UBA6: variants seen among roughly 807,000 people sequenced by gnomAD.
UBA6 encodes ubiquitin like modifier activating enzyme 6, also known as ubiquitin-like modifier-activating enzyme 6.
A neutral mutation model predicts 148.3 loss-of-function variants in UBA6; 87 were observed. That is an observed-to-expected ratio of 0.59 (90% CI 0.49 to 0.70). The LOEUF (loss-of-function observed/expected upper bound fraction) is 0.70. Among genes scored for constraint, UBA6 ranks in the 30% least tolerant of loss-of-function variants. UBA6 has a pLI of 0.00. For missense variants in UBA6, 1,186 were observed against 1,241.2 expected (o/e 0.96, Z 0.67); for synonymous variants, 376 against 401.0 (o/e 0.94, Z 0.75).
intron 13 of UBA6, among the ~76,000 whole-genome samples, chr4:67,653,046 C>G (rs1001407256): frequency 6.6e-6 from 1 of 152,218 alleles, no homozygotes; most frequent in South Asian, 2.1e-4. Context: ...GTGGAGCCCA[C>G]CCCAGCTCAG....
At chr4:67,673,320 A>G (rs1334443233) in intron 7 of UBA6, among the ~76,000 whole-genome samples, 2 of 151,624 alleles carry the variant, frequency 1.3e-5, no homozygotes, top group African/African-American at 4.8e-5. Flanking sequence ...GGGGACTGAG[A>G]CAGGAGAATA....
In UBA6 at chr4:67,618,200, A is replaced by G. The variant is rs1314968122; in HGVS notation, c.*797T>C. Reference sequence around the variant, plus strand: ...TATATATTAGGACAATCAGGTTTAGAGTCTCACATAAATAAAATAGCCACA... The same window carrying G: ...TATATATTAGGACAATCAGGTTTAGGGTCTCACATAAATAAAATAGCCACA... On this transcript the variant is annotated 3_prime_UTR_variant, in exon 33 of 33. Coordinates refer to ENST00000322244, the MANE Select transcript of UBA6 (RefSeq NM_018227.6). The G allele has an allele frequency of 6.6e-6, 1 of 152,550 alleles. No individual in the cohort carries two copies. Among genetic ancestry groups the G allele is most frequent in the African/African-American group, 2.4e-5 (1 of 41,442 alleles). 9.4% of individuals were successfully genotyped at this position (152,550 alleles called of 1,614,324 possible).
chr4:67,627,876 C>T (rs1200558250), intron 27 of UBA6, among the ~76,000 whole-genome samples: 1 of 149,342 alleles, frequency 6.7e-6, no homozygotes, highest in Non-Finnish European at 1.5e-5. Context: ...AAAAAGTTTT[C>T]AAACTTTTTT....
intron 13 of UBA6, among the ~76,000 whole-genome samples, chr4:67,660,552 C>T (rs1291248631): frequency 6.6e-6 from 1 of 152,162 alleles, no homozygotes; most frequent in East Asian, 1.9e-4. Flanking sequence ...ATTTGGGAAC[C>T]TCTGCCTAGC....
chr4:67,646,769 A>G lies in UBA6; in HGVS notation c.1271T>C (p.Ile424Thr). Residue 424 changes from isoleucine (I) to threonine (T), a missense_variant, in exon 15 of 33, where the codon ATT (isoleucine) becomes ACT (threonine). Ile to Thr is a moderately conservative substitution (Grantham distance 89). Transcript: ENST00000322244. Reference sequence around the variant, plus strand: ...TTCAGGTTTGCCTAGTGATTCAACAATATCTGCTGCTTCAAGATATAACTT... The same window carrying G: ...TTCAGGTTTGCCTAGTGATTCAACAGTATCTGCTGCTTCAAGATATAACTT... ...CQWLYLEAAD[I>T]VESLGKPECE... is the part of the protein sequence containing the mutation. The G allele has an allele frequency of 4.4e-6, 7 of 1,606,078 alleles. No individual in the cohort carries two copies. Among genetic ancestry groups the G allele is most frequent in the South Asian group, 2.2e-5 (2 of 89,562 alleles).
intron 9 of UBA6, among the ~76,000 whole-genome samples, chr4:67,667,091 T>G (rs923974605): frequency 3.3e-5 from 5 of 152,160 alleles, no homozygotes; most frequent in Non-Finnish European, 7.3e-5. Context: ...CTTTACATGC[T>G]GTGGCTCCTC....
intron 23 of UBA6, among the ~76,000 whole-genome samples, chr4:67,633,015 T>C (rs1729037118): frequency 6.6e-6 from 1 of 152,146 alleles, no homozygotes; most frequent in African/African-American, 2.4e-5. Flanking sequence ...CCTTTTATCT[T>C]TACCACTACC....
At chr4:67,658,303 T>C (rs1729753670) in intron 13 of UBA6, among the ~76,000 whole-genome samples, 1 of 152,196 alleles carries the variant, frequency 6.6e-6, no homozygotes, top group South Asian at 2.1e-4. Flanking sequence ...AGGGTAGGTA[T>C]ATAAGAGAAA....
chr4:67,624,750 T>G (rs894107615), intron 29 of UBA6, among the ~76,000 whole-genome samples: 1 of 152,116 alleles, frequency 6.6e-6, no homozygotes, highest in African/African-American at 2.4e-5. Context: ...GAAAAGATTA[T>G]TGCCTATAAG....
chr4:67,643,955 T>C (rs1043669179), intron 17 of UBA6, among the ~76,000 whole-genome samples: 2 of 152,082 alleles, frequency 1.3e-5, no homozygotes, highest in Non-Finnish European at 2.9e-5. Context: ...TTAGGAAATG[T>C]TAATATAAAC....
intron 18 of UBA6, 51 bp from the exon 19 acceptor site, chr4:67,639,175 C>T: frequency 7.0e-7 from 1 of 1,425,666 alleles, no homozygotes; most frequent in Non-Finnish European, 9.6e-7. Context: ...AAAAAAAGGA[C>T]TATGATTTTT....
intron 11 of UBA6, 22 bp downstream of exon 11, chr4:67,663,863 A>G: frequency 6.2e-7 from 1 of 1,608,738 alleles, no homozygotes; most frequent in Non-Finnish European, 8.5e-7. Flanking sequence ...GCCTCTCTCA[A>G]ACCTGCAAAG....
chr4:67,678,335 C>T (rs1577833529), intron 5 of UBA6, 104 bp downstream of exon 5: 1 of 616,856 alleles, frequency 1.6e-6, no homozygotes, highest in Non-Finnish European at 2.6e-6. Context: ...AAGTAGAGCA[C>T]TTTATATTTA....
chr4:67,620,318 A>T (rs545310417), intron 32 of UBA6, among the ~76,000 whole-genome samples: 2 of 152,298 alleles, frequency 1.3e-5, no homozygotes, highest in East Asian at 3.9e-4. Flanking sequence ...AGCTGCAAAG[A>T]CTGTTGCTTT....
chr4:67,649,277 T>C, intron 13 of UBA6, 66 bp from the exon 14 acceptor site: 1 of 1,395,292 alleles, frequency 7.2e-7, no homozygotes, highest in South Asian at 1.6e-5. Flanking sequence ...AAAATTCCAA[T>C]GACTAAATGT....
intron 7 of UBA6, among the ~76,000 whole-genome samples, chr4:67,671,922 C>G (rs1730158290): frequency 6.6e-6 from 1 of 152,086 alleles, no homozygotes; most frequent in Non-Finnish European, 1.5e-5. Flanking sequence ...AATTCTTGAT[C>G]ACTCACTCTT....
At chr4:67,664,704 C>CAT in intron 10 of UBA6, among the ~76,000 whole-genome samples, 1 of 151,966 alleles carries the variant, frequency 6.6e-6, no homozygotes, top group East Asian at 1.9e-4. Flanking sequence ...ACATTTCCAA[C>CAT]ATATATACTG....
intron 1 of UBA6, among the ~76,000 whole-genome samples, chr4:67,696,982 ATT>A (rs1403199254): frequency 3.3e-5 from 5 of 152,010 alleles, no homozygotes; most frequent in Admixed American, 6.6e-5. Flanking sequence ...ATATATATAT[ATT>A]TTGTTGTTGT....
At chr4:67,619,553 G>A (rs1191565130) in intron 32 of UBA6, among the ~76,000 whole-genome samples, 1 of 152,134 alleles carries the variant, frequency 6.6e-6, no homozygotes, top group South Asian at 2.1e-4. Flanking sequence ...GCACATGCCC[G>A]TAATCCCAGC....
Sources: allele counts gnomAD v4.1 joint callset (sites outside exome capture counted in the v4.1 genomes callset), GRCh38; gene constraint gnomAD v4.1.1; transcripts MANE v1.5; gene names NCBI Gene and HGNC (gene_info 2026-07-23, HGNC 2026-07-21).